The following TBC1D4 variants were observed in gnomAD, a reference collection of about 807,000 sequenced individuals.
TBC1D4 encodes TBC1 domain family member 4.
A neutral mutation model predicts 142.5 loss-of-function variants in TBC1D4; 121 were observed. The ratio of observed to expected loss-of-function variants is 0.85; its 90% CI spans 0.73 to 0.99. TBC1D4 has a LOEUF of 0.99. TBC1D4 is among the 50% of genes least tolerant of loss of function. The probability of loss-of-function intolerance (pLI) is 0.00; values close to 1 mark genes in which losing one functional copy is unlikely to be tolerated. For missense variants in TBC1D4, 1,475 were observed against 1,606.6 expected (o/e 0.92, Z 1.40); for synonymous variants, 630 against 628.2 (o/e 1.00, Z -0.04).
At chr13:75,390,921 TC>T (rs1346523419) in intron 1 of TBC1D4, among the ~76,000 whole-genome samples, 51 of 149,702 alleles carry the variant, frequency 3.4e-4, no homozygotes, top group Admixed American at 1.6e-3. Flanking sequence ...TGGATACATA[TC>T]CAAAGAGAGC....
intron 9 of TBC1D4, 69 bp from the exon 10 acceptor site, chr13:75,326,492 G>T: frequency 1.3e-6 from 2 of 1,509,822 alleles, no homozygotes; most frequent in Non-Finnish European, 1.8e-6. Context: ...AAAACACAGA[G>T]CTCAAAAGTG....
intron 20 of TBC1D4, among the ~76,000 whole-genome samples, chr13:75,287,349 T>C (rs913477083): frequency 6.6e-6 from 1 of 152,136 alleles, no homozygotes; most frequent in African/African-American, 2.4e-5. Context: ...AAACAGGAGA[T>C]TCCTGACACT....
intron 13 of TBC1D4, 73 bp downstream of exon 13, chr13:75,312,665 C>T (rs1002556131): frequency 1.9e-6 from 3 of 1,583,312 alleles, no homozygotes; most frequent in Non-Finnish European, 2.6e-6. Context: ...TCTCTTTATA[C>T]ACAGCACGTG....
chr13:75,445,148 T>G (rs552564642), intron 1 of TBC1D4, among the ~76,000 whole-genome samples: 1 of 152,322 alleles, frequency 6.6e-6, no homozygotes, highest in South Asian at 2.1e-4. Flanking sequence ...TTTCTAATAA[T>G]ATCACGCAGA....
chr13:75,389,713 C>T (rs1400923563), intron 1 of TBC1D4, among the ~76,000 whole-genome samples: 2 of 152,078 alleles, frequency 1.3e-5, no homozygotes, highest in African/African-American at 2.4e-5. Context: ...TGAATTATTA[C>T]AATTTATAAA....
chr13:75,354,674 G>C (rs1407549232), intron 4 of TBC1D4, among the ~76,000 whole-genome samples: 2 of 152,116 alleles, frequency 1.3e-5, no homozygotes, highest in Non-Finnish European at 2.9e-5. Flanking sequence ...GAAGGAGTGA[G>C]GTGTGGGCGT....
chr13:75,361,923 G>C (rs1882554995), intron 2 of TBC1D4, 103 bp downstream of exon 2: 1 of 1,347,078 alleles, frequency 7.4e-7, no homozygotes, highest in East Asian at 2.3e-5. Flanking sequence ...ATAAAAGTTA[G>C]ATTATTCGTT....
chr13:75,400,056 G>T (rs1885005674), intron 1 of TBC1D4, among the ~76,000 whole-genome samples: 1 of 152,212 alleles, frequency 6.6e-6, no homozygotes, highest in South Asian at 2.1e-4. Context: ...CAGACACTAT[G>T]TGGAGTACAG....
chr13:75,387,760 A>G (rs1267144474), intron 1 of TBC1D4, among the ~76,000 whole-genome samples: 2 of 152,210 alleles, frequency 1.3e-5, no homozygotes, highest in Non-Finnish European at 2.9e-5. Context: ...GAAGAAGCAC[A>G]TTTTGTTATG....
At chr13:75,423,925 AC>A (rs1886267550) in intron 1 of TBC1D4, among the ~76,000 whole-genome samples, 1 of 152,238 alleles carries the variant, frequency 6.6e-6, no homozygotes, top group Admixed American at 6.5e-5. Flanking sequence ...ACTTCACACT[AC>A]TAAACTGTAC....
At chr13:75,472,331 A>C (rs528222753) in intron 1 of TBC1D4, among the ~76,000 whole-genome samples, 3 of 152,108 alleles carry the variant, frequency 2.0e-5, no homozygotes, top group Non-Finnish European at 4.4e-5. Flanking sequence ...AGGCAGGAGA[A>C]CTGCTTGAAC....
chr13:75,460,439 G>C (rs948550011), intron 1 of TBC1D4, among the ~76,000 whole-genome samples: 5 of 152,202 alleles, frequency 3.3e-5, no homozygotes, highest in Admixed American at 2.0e-4. Flanking sequence ...GTGAACAAGA[G>C]GGCATTCCCA....
At chr13:75,447,451 G>A (rs539467843) in intron 1 of TBC1D4, among the ~76,000 whole-genome samples, 15 of 151,962 alleles carry the variant, frequency 9.9e-5, no homozygotes, top group African/African-American at 2.9e-4. Flanking sequence ...TGAAGGCTGC[G>A]ATGCTGTAGG....
chr13:75,364,966 A>G (rs1174244342), intron 1 of TBC1D4, among the ~76,000 whole-genome samples: 1 of 152,196 alleles, frequency 6.6e-6, no homozygotes, highest in African/African-American at 2.4e-5. Flanking sequence ...GATTGCACAT[A>G]AAGTCAATTC....
chr13:75,293,374 G>A (rs9543894), intron 18 of TBC1D4, among the ~76,000 whole-genome samples: 47,588 of 151,950 alleles, frequency 0.31, 8,684 homozygotes, highest in East Asian at 0.75. Flanking sequence ...GAAGAGAGTT[G>A]AACAGCTATT....
At chr13:75,341,627 G>C (rs768142451) in intron 5 of TBC1D4, 40 bp from the exon 6 acceptor site, 7 of 1,505,416 alleles carry the variant, frequency 4.6e-6, no homozygotes, top group Non-Finnish European at 6.5e-6. Flanking sequence ...ACAGAGTCTA[G>C]CAGCAGAGAT....
intron 5 of TBC1D4, among the ~76,000 whole-genome samples, chr13:75,344,071 C>G (rs186085519): frequency 6.6e-6 from 1 of 151,036 alleles, no homozygotes; most frequent in East Asian, 2.0e-4. Flanking sequence ...GAACTCCTGA[C>G]CTCCTGACCT....
intron 13 of TBC1D4, among the ~76,000 whole-genome samples, chr13:75,311,989 G>A (rs535192364): frequency 5.9e-5 from 9 of 152,148 alleles, no homozygotes; most frequent in Admixed American, 3.3e-4. Flanking sequence ...ATCTCCCACA[G>A]GAGCTATTAA....
chr13:75,369,979 A>C (rs1883137012), intron 1 of TBC1D4, among the ~76,000 whole-genome samples: 1 of 152,154 alleles, frequency 6.6e-6, no homozygotes, highest in Admixed American at 6.6e-5. Context: ...AAAATAATGC[A>C]GGGAAGGCAG....
Sources: allele counts gnomAD v4.1 joint callset (sites outside exome capture counted in the v4.1 genomes callset), GRCh38; gene constraint gnomAD v4.1.1; transcripts MANE v1.5; gene names NCBI Gene and HGNC (gene_info 2026-07-23, HGNC 2026-07-21).